The following KCNIP4 variants were observed in gnomAD, a reference collection of about 807,000 sequenced individuals.
KCNIP4 encodes Kv channel-interacting protein 4.
KCNIP4 carries 12 observed loss-of-function variants against 34.0 expected under a neutral mutation model. That is an observed-to-expected ratio of 0.35 (90% CI 0.23 to 0.57). The LOEUF is 0.57. Among genes scored for constraint, KCNIP4 ranks in the 20% least tolerant of loss-of-function variants. The probability of loss-of-function intolerance (pLI) is 0.83; values close to 1 mark genes in which losing one functional copy is unlikely to be tolerated. For synonymous variants in KCNIP4, 124 were observed against 102.2 expected (o/e 1.21, Z -1.29); for missense variants, 238 against 311.7 (o/e 0.76, Z 1.78).
At chr4:20,804,508 A>T (rs558500609) in intron 3 of KCNIP4, among the ~76,000 whole-genome samples, 11 of 152,142 alleles carry the variant, frequency 7.2e-5, no homozygotes, top group African/African-American at 2.7e-4. Context: ...CTAAAACCAC[A>T]TATCTACAAC....
intron 1 of KCNIP4, among the ~76,000 whole-genome samples, chr4:21,122,096 T>C (rs1750210579): frequency 6.6e-6 from 1 of 152,144 alleles, no homozygotes; most frequent in African/African-American, 2.4e-5. Flanking sequence ...TAAAATTTAC[T>C]AAAAATTTCT....
chr4:21,568,137 G>A (rs1439926293), intron 1 of KCNIP4, among the ~76,000 whole-genome samples: 1 of 152,056 alleles, frequency 6.6e-6, no homozygotes, highest in East Asian at 1.9e-4. Flanking sequence ...ATTATAATAT[G>A]GTAGACTTGT....
intron 1 of KCNIP4, among the ~76,000 whole-genome samples, chr4:21,097,666 ATG>A (rs369473006): frequency 1.3e-5 from 2 of 151,986 alleles, no homozygotes; most frequent in Middle Eastern, 3.2e-3. Flanking sequence ...TTAATAATAA[ATG>A]TGTGTGTGTG....
intron 1 of KCNIP4, among the ~76,000 whole-genome samples, chr4:21,398,423 G>A (rs914397028): frequency 2.0e-5 from 3 of 152,148 alleles, no homozygotes; most frequent in African/African-American, 4.8e-5. Flanking sequence ...CATTTTAATG[G>A]TATGGTATGG....
chr4:21,146,154 T>C (rs942366040), intron 1 of KCNIP4, among the ~76,000 whole-genome samples: 1 of 152,130 alleles, frequency 6.6e-6, no homozygotes, highest in Non-Finnish European at 1.5e-5. Context: ...ACCCCATCAC[T>C]TTGGGAGGCT....
At chr4:21,858,419 G>A (rs1434422517) in intron 1 of KCNIP4, among the ~76,000 whole-genome samples, 2 of 152,162 alleles carry the variant, frequency 1.3e-5, no homozygotes, top group South Asian at 2.1e-4. Context: ...TTTCTGGATT[G>A]ATTACTAGCA....
At chr4:21,613,001 G>C (rs1744282911) in intron 1 of KCNIP4, among the ~76,000 whole-genome samples, 1 of 152,128 alleles carries the variant, frequency 6.6e-6, no homozygotes, top group African/African-American at 2.4e-5. Context: ...TATGTAGAGA[G>C]AAAAAGGCCC....
At chr4:21,819,863 T>A (rs1174917127) in intron 1 of KCNIP4, among the ~76,000 whole-genome samples, 1 of 152,080 alleles carries the variant, frequency 6.6e-6, no homozygotes, top group Non-Finnish European at 1.5e-5. Context: ...TCCTTTTTGG[T>A]GTGCAATATG....
intron 1 of KCNIP4, among the ~76,000 whole-genome samples, chr4:21,457,358 G>A (rs66739930): frequency 0.12 from 17,709 of 151,778 alleles, 1,221 homozygotes; most frequent in South Asian, 0.16. Flanking sequence ...GCCTTTTAGC[G>A]TGCCAGCTCT....
intron 1 of KCNIP4, among the ~76,000 whole-genome samples, chr4:21,251,737 T>A (rs1010617563): frequency 6.6e-6 from 1 of 151,960 alleles, no homozygotes; most frequent in African/African-American, 2.4e-5. Flanking sequence ...TTGGAAATCA[T>A]CATTCTCAGT....
chr4:20,983,603 T>C (rs1736300764), intron 1 of KCNIP4, among the ~76,000 whole-genome samples: 1 of 152,174 alleles, frequency 6.6e-6, no homozygotes, highest in Non-Finnish European at 1.5e-5. Context: ...AGATTTCAAA[T>C]AGAAAGATAA....
chr4:21,093,626 T>C (rs960511809), intron 1 of KCNIP4, among the ~76,000 whole-genome samples: 82 of 152,202 alleles, frequency 5.4e-4, no homozygotes, highest in Non-Finnish European at 1.9e-4. Flanking sequence ...CTAATTTCTA[T>C]TTCTTAGAGA....
intron 1 of KCNIP4, among the ~76,000 whole-genome samples, chr4:21,911,863 C>G (rs974811144): frequency 6.6e-6 from 1 of 152,092 alleles, no homozygotes; most frequent in South Asian, 2.1e-4. Context: ...GATATAATCT[C>G]TCTTTTTAGT....
intron 1 of KCNIP4, among the ~76,000 whole-genome samples, chr4:21,440,928 A>C (rs536314661): frequency 6.6e-6 from 1 of 152,228 alleles, no homozygotes; most frequent in South Asian, 2.1e-4. Flanking sequence ...AATAAATATA[A>C]AATATTTTTT....
At chr4:20,835,229 T>C (rs1027830276) in intron 3 of KCNIP4, among the ~76,000 whole-genome samples, 2 of 152,184 alleles carry the variant, frequency 1.3e-5, no homozygotes, top group African/African-American at 2.4e-5. Context: ...TTGCTTCTTT[T>C]CAGTGTCCTT....
intron 1 of KCNIP4, among the ~76,000 whole-genome samples, chr4:21,006,656 G>T (rs1015083254): frequency 1.3e-5 from 2 of 152,234 alleles, no homozygotes; most frequent in African/African-American, 4.8e-5. Context: ...TCGGTAGAAT[G>T]AGTGTTTCAG....
chr4:21,078,267 T>G lies in KCNIP4; in HGVS notation c.62-195558A>C, dbSNP rs538107392. Among the ~76,000 whole-genome samples the G allele has an allele frequency of 5.9e-5, 9 of 152,148 alleles. 1 individual carries two copies. In the East Asian group the frequency reaches 1.4e-3, roughly 23 times the overall value. On this transcript the variant is annotated intron_variant, in intron 1 of 8. Transcript: ENST00000382152. ...AAGTATCTAGTTTGGGTAACTAGGATAGTGTGGCTCCAACCTGTCGTAATC... is the reference window on the plus strand; with the variant it reads ...AAGTATCTAGTTTGGGTAACTAGGAGAGTGTGGCTCCAACCTGTCGTAATC...
At chr4:21,205,581 C>T (rs1577885919) in intron 1 of KCNIP4, among the ~76,000 whole-genome samples, 1 of 152,300 alleles carries the variant, frequency 6.6e-6, no homozygotes, top group Non-Finnish European at 1.5e-5. Flanking sequence ...GGGTTTACGC[C>T]TCAGGACTAT....
At chr4:21,712,783 A>T (rs1039032931) in intron 1 of KCNIP4, among the ~76,000 whole-genome samples, 35 of 151,076 alleles carry the variant, frequency 2.3e-4, no homozygotes, top group African/African-American at 7.7e-4. Flanking sequence ...GAGATTTTTA[A>T]AAAAAAAAAT....
Sources: allele counts gnomAD v4.1 joint callset (sites outside exome capture counted in the v4.1 genomes callset), GRCh38; gene constraint gnomAD v4.1.1; transcripts MANE v1.5; gene names NCBI Gene and HGNC (gene_info 2026-07-23, HGNC 2026-07-21).